The following PTPRD variants were observed in gnomAD, a reference collection of about 807,000 sequenced individuals.
PTPRD encodes protein tyrosine phosphatase receptor type D, also known as receptor-type tyrosine-protein phosphatase delta.
In PTPRD, 34 loss-of-function variants were observed where a neutral mutation model predicts 214.5. The ratio of observed to expected loss-of-function variants is 0.16; its 90% CI spans 0.12 to 0.21. The LOEUF (loss-of-function observed/expected upper bound fraction) is 0.21, where lower values mean the gene tolerates loss of function less well. Ranked by LOEUF, PTPRD falls within the 10% of genes least tolerant of loss-of-function variation. The pLI is 1.00. For missense variants in PTPRD, 2,545 were observed against 2,398.7 expected (o/e 1.06, Z -1.27); for synonymous variants, 1,128 against 845.7 (o/e 1.33, Z -5.79).
At chr9:9,940,855 C>T (rs1353689941) in intron 4 of PTPRD, among the ~76,000 whole-genome samples, 2 of 152,102 alleles carry the variant, frequency 1.3e-5, no homozygotes, top group South Asian at 4.1e-4. Context: ...TCATATTTTA[C>T]AATCTATGAG....
chr9:9,158,963 T>A (rs1019630410), intron 10 of PTPRD, among the ~76,000 whole-genome samples: 2 of 152,094 alleles, frequency 1.3e-5, no homozygotes, highest in African/African-American at 4.8e-5. Flanking sequence ...AAAAACCAAA[T>A]TATCGTCCCA....
At chr9:8,733,751 G>GC (rs2098687005) in intron 12 of PTPRD, 29 bp downstream of exon 12, 6 of 1,546,602 alleles carry the variant, frequency 3.9e-6, no homozygotes, top group Non-Finnish European at 5.3e-6. Flanking sequence ...TATGGTCACA[G>GC]CCCCCTAGAG....
chr9:9,876,452 G>T (rs1178443353), intron 5 of PTPRD, among the ~76,000 whole-genome samples: 1 of 151,858 alleles, frequency 6.6e-6, no homozygotes, highest in Non-Finnish European at 1.5e-5. Context: ...TCTCTTCAGG[G>T]CACCTACAAT....
At chr9:8,428,626 C>T (rs866417013) in intron 35 of PTPRD, among the ~76,000 whole-genome samples, 1 of 152,026 alleles carries the variant, frequency 6.6e-6, no homozygotes, top group African/African-American at 2.4e-5. Flanking sequence ...AGTGGGGGAA[C>T]CACCTTCAAG....
At position 9,620,770 on chromosome 9, in the gene PTPRD, C is replaced by A. The variant is rs559414353; in HGVS notation, c.-286-45989G>T. On this transcript the variant is annotated intron_variant, in intron 7 of 45. Transcript: ENST00000381196. ...TCATTTCCTTAGAGTTTTTGAGATT[C>A]AAGTGATGACATAGAACTTTATCGT... Among the ~76,000 whole-genome samples, 3 of 151,374 alleles carry A rather than the reference C, an allele frequency of 2.0e-5. No homozygotes were observed. The South Asian group carries it at 6.3e-4, about 32-fold the overall frequency.
At chr9:8,939,086 T>C (rs1363538998) in intron 11 of PTPRD, among the ~76,000 whole-genome samples, 1 of 152,330 alleles carries the variant, frequency 6.6e-6, no homozygotes, top group African/African-American at 2.4e-5. Flanking sequence ...GTACATTATC[T>C]GATTAAGGAT....
intron 9 of PTPRD, among the ~76,000 whole-genome samples, chr9:9,243,462 C>T (rs1300054593): frequency 2.0e-5 from 3 of 152,112 alleles, no homozygotes; most frequent in Non-Finnish European, 4.4e-5. Context: ...GGGCTTCATC[C>T]CTCGGATGCA....
Position 9,665,715 on chromosome 9 carries a change from C to T in PTPRD, c.-287+68818G>A, listed in dbSNP as rs536823386. On this transcript the variant is annotated intron_variant, in intron 7 of 45. Coordinates refer to ENST00000381196, the MANE Select transcript of PTPRD (RefSeq NM_002839.4). The stretch of plus-strand genomic sequence containing the variant: ...TTGAATTTATTTATATCCTTTTTTC[C>T]TAGCCCACATTAATGATATTAATGT... Among the ~76,000 whole-genome samples, 385 of 151,638 alleles carry T rather than the reference C, an allele frequency of 2.5e-3. 2 individuals are homozygous for T. The highest frequency in any genetic ancestry group is 8.7e-3 in the African/African-American group (361 of 41,454).
chr9:9,409,234 C>T (rs939462282), intron 8 of PTPRD, among the ~76,000 whole-genome samples: 5 of 151,876 alleles, frequency 3.3e-5, no homozygotes, highest in African/African-American at 9.7e-5. Context: ...ATATTTTATG[C>T]ACCTGCCACT....
At position 8,786,113 on chromosome 9, in the gene PTPRD, G is replaced by C. The variant is rs114383911; in HGVS notation, c.-103-52167C>G. Reference sequence around the variant, plus strand: ...CACCGCTAGTGGCAATTCAGATACTGACCCAGAATATGAACAAGGTAGGGT... The same window carrying C: ...CACCGCTAGTGGCAATTCAGATACTCACCCAGAATATGAACAAGGTAGGGT... On this transcript the variant is annotated intron_variant, in intron 11 of 45. Coordinates refer to ENST00000381196, the MANE Select transcript of PTPRD (RefSeq NM_002839.4). 3.8e-3 allele frequency among the ~76,000 whole-genome samples: 577 copies of C among 151,504 alleles called. 2 individuals carry two copies. The highest frequency in any genetic ancestry group is 0.013 in the African/African-American group (542 of 41,332).
chr9:8,346,917 C>T (rs1051075435), intron 39 of PTPRD, among the ~76,000 whole-genome samples: 1 of 152,112 alleles, frequency 6.6e-6, no homozygotes, highest in African/African-American at 2.4e-5. Flanking sequence ...GCACCTCAAA[C>T]TGCAAAAGCT....
chr9:10,457,586 G>A (rs992855779), intron 2 of PTPRD, among the ~76,000 whole-genome samples: 3 of 151,982 alleles, frequency 2.0e-5, no homozygotes, highest in African/African-American at 4.8e-5. Context: ...AAGCTGCCAT[G>A]AGTACTGAAA....
Position 9,237,533 on chromosome 9 carries a change from T to C in PTPRD, c.-202-54170A>G, listed in dbSNP as rs902729794. ...CTTAAAAAAGAAAGAAAAGTTTGGG[T>C]AGTAATTACCCTAGACCACCAATAT... On this transcript the variant is annotated intron_variant, in intron 9 of 45. Coordinates refer to ENST00000381196, the MANE Select transcript of PTPRD (RefSeq NM_002839.4). Among the ~76,000 whole-genome samples the C allele has an allele frequency of 5.9e-5, 9 of 152,126 alleles. 1 individual carries two copies. Among genetic ancestry groups the C allele is most frequent in the Admixed American group, 1.3e-4 (2 of 15,260 alleles).
In PTPRD at chr9:10,277,422, C is replaced by T. The variant is rs144187870; in HGVS notation, c.-545+63541G>A. Among the ~76,000 whole-genome samples the T allele has an allele frequency of 4.3e-4, 66 of 152,266 alleles. No homozygotes were observed. In the East Asian group the frequency reaches 0.011, roughly 26 times the overall value. ...ATGATCCAGGGCCAGCCCTGACTCT[C>T]GGCACCACTAGTTTAGTTGTGTAAC... On this transcript the variant is annotated intron_variant, in intron 3 of 45. Transcript: ENST00000381196.
At chr9:10,492,982 A>T (rs1290127830) in intron 2 of PTPRD, among the ~76,000 whole-genome samples, 3 of 152,056 alleles carry the variant, frequency 2.0e-5, no homozygotes, top group Admixed American at 2.0e-4. Flanking sequence ...ACATAATAAG[A>T]GAACTCCCAT....
At chr9:10,415,270 A>G (rs577238065) in intron 2 of PTPRD, among the ~76,000 whole-genome samples, 17 of 151,952 alleles carry the variant, frequency 1.1e-4, no homozygotes, top group Non-Finnish European at 2.2e-4. Context: ...TACTTTATAT[A>G]TGCACTTTAT....
chr9:10,539,815 G>A (rs1374392984), intron 2 of PTPRD, among the ~76,000 whole-genome samples: 1 of 152,092 alleles, frequency 6.6e-6, no homozygotes, highest in Non-Finnish European at 1.5e-5. Flanking sequence ...AGTCATAAGA[G>A]TTTCATCACC....
At chr9:10,441,663 T>C (rs1306071226) in intron 2 of PTPRD, among the ~76,000 whole-genome samples, 1 of 151,662 alleles carries the variant, frequency 6.6e-6, no homozygotes, top group Non-Finnish European at 1.5e-5. Context: ...TAACCATAAG[T>C]CAATGAATGG....
At chr9:8,866,735 A>G (rs967816085) in intron 11 of PTPRD, among the ~76,000 whole-genome samples, 3 of 152,076 alleles carry the variant, frequency 2.0e-5, no homozygotes, top group Non-Finnish European at 4.4e-5. Flanking sequence ...ATGATCACCT[A>G]CATGTTGAAT....
Sources: gnomAD v4.1 joint callset for allele counts (sites outside exome capture counted in the v4.1 genomes callset) on GRCh38, gnomAD v4.1.1 for gene constraint, MANE v1.5 for transcripts, NCBI Gene and HGNC (gene_info 2026-07-23, HGNC 2026-07-21) for gene names.